Variants in LARS2 observed in about 807,000 individuals in gnomAD.
LARS2 encodes the protein leucine--tRNA ligase, mitochondrial.
Under a neutral mutation model 116.6 loss-of-function variants are expected in LARS2, and 81 were observed. That is an observed-to-expected ratio of 0.69 (90% CI 0.58 to 0.84). The LOEUF (loss-of-function observed/expected upper bound fraction) is 0.84, where lower values mean the gene tolerates loss of function less well. Among genes scored for constraint, LARS2 ranks in the 40% least tolerant of loss-of-function variants. The probability of loss-of-function intolerance (pLI) is 0.00; values close to 1 mark genes in which losing one functional copy is unlikely to be tolerated. For synonymous variants in LARS2, 396 were observed against 407.2 expected (o/e 0.97, Z 0.33); for missense variants, 968 against 1,114.5 (o/e 0.87, Z 1.87).
chr3:45,432,982 A>G (rs548455710), intron 6 of LARS2, among the ~76,000 whole-genome samples: 6 of 152,180 alleles, frequency 3.9e-5, no homozygotes, highest in Non-Finnish European at 8.8e-5. Context: ...TGAAGCGTAT[A>G]TGAAATATAT....
chr3:45,432,117 T>C (rs1048052904), intron 6 of LARS2, among the ~76,000 whole-genome samples: 1 of 152,180 alleles, frequency 6.6e-6, no homozygotes, highest in Non-Finnish European at 1.5e-5. Context: ...ATAACTATTA[T>C]AAATGTTTAT....
chr3:45,390,834 A>T (rs1697931402), intron 1 of LARS2, among the ~76,000 whole-genome samples: 3 of 150,176 alleles, frequency 2.0e-5, no homozygotes, highest in African/African-American at 7.4e-5. Flanking sequence ...TTGTACTTTT[A>T]GTAGAGACGT....
chr3:45,391,716 C>T (rs1409342494), intron 2 of LARS2, 68 bp downstream of exon 2: 1 of 152,058 alleles, frequency 6.6e-6, no homozygotes, highest in Admixed American at 6.5e-5. Flanking sequence ...TCTGCTCCTG[C>T]TTTTTTAAAA....
intron 12 of LARS2, 87 bp from the exon 13 acceptor site, chr3:45,491,430 C>T (rs1699912152): frequency 1.4e-6 from 2 of 1,433,354 alleles, no homozygotes; most frequent in Admixed American, 1.8e-5. Flanking sequence ...GAGAGCCACA[C>T]ATAAACATGG....
chr3:45,488,150 T>G (rs1699847252), intron 11 of LARS2, among the ~76,000 whole-genome samples: 2 of 151,874 alleles, frequency 1.3e-5, no homozygotes, highest in Admixed American at 6.6e-5. Flanking sequence ...TAAAAAAAAA[T>G]AGGCTGGACA....
chr3:45,399,437 G>C (rs995846749), intron 3 of LARS2, among the ~76,000 whole-genome samples: 5 of 152,126 alleles, frequency 3.3e-5, no homozygotes, highest in Admixed American at 6.5e-5. Flanking sequence ...TAAGGACCTA[G>C]ATAGAAGCTG....
At position 45,449,087 on chromosome 3, in the gene LARS2, C is replaced by T. The variant is rs531476263; in HGVS notation, c.606+2107C>T. Among the ~76,000 whole-genome samples, 21 of 151,592 alleles carry T rather than the reference C, an allele frequency of 1.4e-4. No individual in the cohort carries two copies. The East Asian group carries it at 2.7e-3, about 20-fold the overall frequency. ...AGGGCCTTCTTGCTGCATCATCCTA[C>T]GGTAGAAGGTGAGAGGGCAAGAGAG... On this transcript the variant is annotated intron_variant, in intron 7 of 21. Coordinates refer to ENST00000645846, the MANE Select transcript of LARS2 (RefSeq NM_015340.4).
At chr3:45,445,313 T>A (rs1056178211) in intron 6 of LARS2, among the ~76,000 whole-genome samples, 1 of 152,262 alleles carries the variant, frequency 6.6e-6, no homozygotes, top group African/African-American at 2.4e-5. Context: ...TGGAAGTTTT[T>A]AAATTTCTTG....
chr3:45,418,887 A>G (rs1324506148), intron 5 of LARS2, among the ~76,000 whole-genome samples: 2 of 152,240 alleles, frequency 1.3e-5, no homozygotes, highest in Non-Finnish European at 2.9e-5. Context: ...CAGTTTATTT[A>G]TCTGTAAAAG....
intron 21 of LARS2, among the ~76,000 whole-genome samples, chr3:45,543,471 A>T (rs867199643): frequency 0.013 from 1,704 of 128,580 alleles, 23 homozygotes; most frequent in African/African-American, 0.037. Flanking sequence ...TTATTTTTTT[A>T]TTTTTTTTTT....
chr3:45,482,538 T>G (rs1332150308), intron 10 of LARS2, among the ~76,000 whole-genome samples: 2 of 152,238 alleles, frequency 1.3e-5, no homozygotes, highest in Non-Finnish European at 2.9e-5. Flanking sequence ...GCTAAAACGT[T>G]TTGCTAACTT....
At chr3:45,469,823 C>A (rs889544595) in intron 8 of LARS2, among the ~76,000 whole-genome samples, 1 of 151,852 alleles carries the variant, frequency 6.6e-6, no homozygotes. Flanking sequence ...TGCCTCCCCC[C>A]CCACCAAAAA....
At chr3:45,532,384 G>A (rs1277959836) in intron 20 of LARS2, among the ~76,000 whole-genome samples, 2 of 152,122 alleles carry the variant, frequency 1.3e-5, no homozygotes, top group East Asian at 3.8e-4. Flanking sequence ...TTGCCCTTTA[G>A]ATATGATTTA....
Position 45,503,810 on chromosome 3 carries a change from A to T in LARS2, c.1760+3231A>T, listed in dbSNP as rs562552291. 4.6e-5 allele frequency among the ~76,000 whole-genome samples: 7 copies of T among 152,000 alleles called. No homozygotes were observed. The East Asian group carries it at 5.8e-4, about 13-fold the overall frequency. Reference sequence around the variant, plus strand: ...TCCAGATAACCCATGTTGACAATTTAAAAAAAAGTAATACATGTCTAAACC... The same window carrying T: ...TCCAGATAACCCATGTTGACAATTTTAAAAAAAGTAATACATGTCTAAACC... On this transcript the variant is annotated intron_variant, in intron 15 of 21. Transcript: ENST00000645846.
intron 6 of LARS2, among the ~76,000 whole-genome samples, chr3:45,444,819 A>G (rs1698991441): frequency 6.6e-6 from 1 of 150,754 alleles, no homozygotes; most frequent in Non-Finnish European, 1.5e-5. Context: ...TGTGTTACAT[A>G]TATAATATAT....
At chr3:45,446,866 C>A in intron 6 of LARS2, 25 bp from the exon 7 acceptor site, 1 of 1,448,376 alleles carries the variant, frequency 6.9e-7, no homozygotes, top group Non-Finnish European at 9.7e-7. Flanking sequence ...ATGGCCTGTA[C>A]ATTATTTTTC....
At chr3:45,439,047 T>C (rs1056901153) in intron 6 of LARS2, among the ~76,000 whole-genome samples, 5 of 152,036 alleles carry the variant, frequency 3.3e-5, no homozygotes, top group African/African-American at 1.2e-4. Flanking sequence ...GACCATTTAG[T>C]AGCATCTAAG....
chr3:45,461,036 A>G (rs752482419), intron 8 of LARS2, among the ~76,000 whole-genome samples: 11 of 152,128 alleles, frequency 7.2e-5, no homozygotes, highest in Non-Finnish European at 1.6e-4. Flanking sequence ...ATGGCCTAAA[A>G]TCAAGGGGGA....
rs935563487 is a variant in LARS2, at chr3:45,513,240, G to A, written c.1861+5G>A. The A allele has an allele frequency of 6.3e-7, 1 of 1,577,066 alleles. No homozygotes were observed. Among genetic ancestry groups the A allele is most frequent in the African/African-American group, 1.3e-5 (1 of 74,296 alleles). On this transcript the variant is annotated splice_donor_5th_base_variant and intron_variant, in intron 16 of 21. Coordinates refer to ENST00000645846, the MANE Select transcript of LARS2 (RefSeq NM_015340.4). ...GAGAGGAAGTGGATCTCACAGGTAA[G>A]AATGGCCCATCTGGTCCCATCCAGG...
Sources: allele counts gnomAD v4.1 joint callset (sites outside exome capture counted in the v4.1 genomes callset), GRCh38; gene constraint gnomAD v4.1.1; transcripts MANE v1.5; gene names NCBI Gene and HGNC (gene_info 2026-07-23, HGNC 2026-07-21).